Variants in WWOX observed in about 807,000 individuals in gnomAD.
The protein encoded by WWOX is WW domain containing oxidoreductase.
WWOX carries 69 observed loss-of-function variants against 46.2 expected under a neutral mutation model. That is an observed-to-expected ratio of 1.49 (90% CI 1.23 to 1.82). The LOEUF (loss-of-function observed/expected upper bound fraction) is 1.82. Among genes scored for constraint, WWOX ranks in the 40% most tolerant of loss-of-function variants. The probability of loss-of-function intolerance (pLI) is 0.00; values close to 1 mark genes in which losing one functional copy is unlikely to be tolerated. For synonymous variants in WWOX, 359 were observed against 202.6 expected (o/e 1.77, Z -6.56); for missense variants, 919 against 542.6 (o/e 1.69, Z -6.89).
chr16:79,096,324 C>G (rs2049072273), intron 8 of WWOX, among the ~76,000 whole-genome samples: 1 of 152,158 alleles, frequency 6.6e-6, no homozygotes, highest in Admixed American at 6.5e-5. Context: ...ACTCGGAGTG[C>G]AAGCCATGCT....
chr16:78,382,409 T>C (rs573825306), intron 5 of WWOX, among the ~76,000 whole-genome samples: 3 of 152,302 alleles, frequency 2.0e-5, no homozygotes, highest in East Asian at 3.9e-4. Context: ...GGTCCCTGAG[T>C]GGCCACGGTG....
At chr16:78,858,061 T>C (rs768052431) in intron 8 of WWOX, among the ~76,000 whole-genome samples, 3 of 152,068 alleles carry the variant, frequency 2.0e-5, no homozygotes, top group Non-Finnish European at 2.9e-5. Flanking sequence ...TTACAGTTTT[T>C]CCAAAGTTTT....
chr16:78,958,330 C>T (rs1034365915), intron 8 of WWOX, among the ~76,000 whole-genome samples: 2 of 152,144 alleles, frequency 1.3e-5, no homozygotes, highest in Non-Finnish European at 2.9e-5. Flanking sequence ...AAATTCACTG[C>T]ATTATTAACT....
At chr16:78,259,468 A>G (rs1471500186) in intron 5 of WWOX, among the ~76,000 whole-genome samples, 3 of 144,852 alleles carry the variant, frequency 2.1e-5, no homozygotes, top group Non-Finnish European at 3.1e-5. Flanking sequence ...CTGGGACTAC[A>G]GGCACACGCC....
intron 8 of WWOX, among the ~76,000 whole-genome samples, chr16:79,102,268 G>A (rs898889774): frequency 2.6e-5 from 4 of 152,040 alleles, no homozygotes; most frequent in African/African-American, 9.7e-5. Flanking sequence ...TCAGGTATTG[G>A]GTCAGCGTCT....
At chr16:79,008,927 C>T (rs970732156) in intron 8 of WWOX, among the ~76,000 whole-genome samples, 1 of 152,238 alleles carries the variant, frequency 6.6e-6, no homozygotes, top group African/African-American at 2.4e-5. Context: ...AATGTCTCCA[C>T]CCTTCTAAAT....
intron 8 of WWOX, among the ~76,000 whole-genome samples, chr16:79,000,832 C>G (rs1365743534): frequency 6.6e-6 from 1 of 152,196 alleles, no homozygotes; most frequent in East Asian, 1.9e-4. Context: ...TCCCCATTGA[C>G]TCTCAGAGGA....
intron 8 of WWOX, among the ~76,000 whole-genome samples, chr16:78,923,126 G>C (rs758970416): frequency 1.7e-4 from 26 of 151,708 alleles, no homozygotes; most frequent in Non-Finnish European, 3.1e-4. Context: ...GGATTACAGG[G>C]ATGTGCCACC....
At chr16:78,839,568 T>C (rs2052083012) in intron 8 of WWOX, among the ~76,000 whole-genome samples, 3 of 152,248 alleles carry the variant, frequency 2.0e-5, no homozygotes, top group African/African-American at 7.2e-5. Flanking sequence ...AAATATTACT[T>C]ATGTCTATGA....
intron 8 of WWOX, among the ~76,000 whole-genome samples, chr16:78,703,451 AC>A (rs1347972798): frequency 1.1e-5 from 1 of 88,522 alleles, no homozygotes; most frequent in African/African-American, 8.0e-5. Context: ...CTGTCTCTAC[AC>A]ATTTTTTTTT....
chr16:78,590,146 G>GTCTCTCTCTC (rs58692243), intron 8 of WWOX, among the ~76,000 whole-genome samples: 5,475 of 149,650 alleles, frequency 0.037, 146 homozygotes, highest in Non-Finnish European at 0.056. Flanking sequence ...TAGGCATTCA[G>GTCTCTCTCTC]TCTCTCTCTC....
At chr16:79,137,072 C>T (rs2049996085) in intron 8 of WWOX, among the ~76,000 whole-genome samples, 1 of 152,130 alleles carries the variant, frequency 6.6e-6, no homozygotes, top group Non-Finnish European at 1.5e-5. Flanking sequence ...CTCCATCTGC[C>T]AGCTAATTCC....
At chr16:78,479,921 C>T (rs1597143482) in intron 8 of WWOX, among the ~76,000 whole-genome samples, 1 of 152,262 alleles carries the variant, frequency 6.6e-6, no homozygotes, top group East Asian at 1.9e-4. Flanking sequence ...GAACCAATGA[C>T]AATGGAGCAT....
At chr16:78,221,204 C>T (rs949109324) in intron 5 of WWOX, among the ~76,000 whole-genome samples, 1 of 152,052 alleles carries the variant, frequency 6.6e-6, no homozygotes, top group African/African-American at 2.4e-5. Context: ...TATTAATTCA[C>T]CTGCTTGGAA....
intron 5 of WWOX, among the ~76,000 whole-genome samples, chr16:78,375,938 C>T (rs1313819678): frequency 2.0e-5 from 3 of 150,978 alleles, no homozygotes; most frequent in Admixed American, 6.6e-5. Flanking sequence ...TGCAACTCCG[C>T]ATCCTGGTTT....
chr16:78,927,431 A>ATGTT (rs1157569746), intron 8 of WWOX, among the ~76,000 whole-genome samples: 2 of 152,142 alleles, frequency 1.3e-5, no homozygotes, highest in African/African-American at 2.4e-5. Flanking sequence ...GTCTGTCTAC[A>ATGTT]TGTTTGTTTG....
intron 8 of WWOX, among the ~76,000 whole-genome samples, chr16:79,152,346 G>T (rs2050296978): frequency 6.6e-6 from 1 of 152,108 alleles, no homozygotes; most frequent in African/African-American, 2.4e-5. Context: ...AGTCTGGGGT[G>T]AAGCCAAGGG....
chr16:78,595,303 C>A (rs954524905), intron 8 of WWOX, among the ~76,000 whole-genome samples: 1 of 150,692 alleles, frequency 6.6e-6, no homozygotes, highest in Non-Finnish European at 1.5e-5. Context: ...TTTTTTCCTC[C>A]TTTTTCCTGA....
intron 5 of WWOX, 117 bp from the exon 6 acceptor site, chr16:78,386,743 G>T (rs1029985284): frequency 3.5e-6 from 3 of 851,572 alleles, no homozygotes; most frequent in Non-Finnish European, 5.7e-6. Flanking sequence ...TTCTCTCTGG[G>T]CGTCTTATAT....
Sources: allele counts gnomAD v4.1 joint callset (sites outside exome capture counted in the v4.1 genomes callset), GRCh38; gene constraint gnomAD v4.1.1; transcripts MANE v1.5; gene names NCBI Gene and HGNC (gene_info 2026-07-23, HGNC 2026-07-21).